VIRMA: variants seen among roughly 807,000 people sequenced by gnomAD.
The protein encoded by VIRMA is protein virilizer homolog.
VIRMA carries 65 observed loss-of-function variants against 182.4 expected under a neutral mutation model. That is an observed-to-expected ratio of 0.36 (90% CI 0.29 to 0.44). The LOEUF (loss-of-function observed/expected upper bound fraction) is 0.44, where lower values mean the gene tolerates loss of function less well. Ranked by LOEUF, VIRMA falls within the 20% of genes least tolerant of loss-of-function variation. VIRMA has a pLI of 1.00. For synonymous variants in VIRMA, 709 were observed against 743.1 expected (o/e 0.95, Z 0.75); for missense variants, 1,752 against 2,158.1 (o/e 0.81, Z 3.73).
At chr8:94,553,056 C>T (rs555890190) in intron 1 of VIRMA, among the ~76,000 whole-genome samples, 9 of 152,216 alleles carry the variant, frequency 5.9e-5, no homozygotes, top group African/African-American at 2.2e-4. Context: ...CAAACCAAGA[C>T]CCCTCCCAAA....
chr8:94,497,288 T>C (rs775054363), intron 17 of VIRMA: 3 of 151,902 alleles, frequency 2.0e-5, no homozygotes, highest in Non-Finnish European at 4.4e-5. Context: ...ATTTTTCATA[T>C]AGATGGGGTC....
intron 7 of VIRMA, among the ~76,000 whole-genome samples, chr8:94,528,575 T>C (rs573018643): frequency 1.3e-5 from 2 of 152,242 alleles, no homozygotes; most frequent in African/African-American, 4.8e-5. Context: ...AAAGCCTAAT[T>C]AAAGGACTGT....
chr8:94,536,955 G>C (rs916609513), intron 4 of VIRMA, 148 bp downstream of exon 4: 2 of 635,400 alleles, frequency 3.1e-6, no homozygotes, highest in African/African-American at 3.7e-5. Context: ...CTCCAGCCTG[G>C]GTGACAGAGC....
intron 8 of VIRMA, among the ~76,000 whole-genome samples, chr8:94,525,784 T>TA (rs1218494071): frequency 3.3e-5 from 5 of 152,204 alleles, no homozygotes. Flanking sequence ...AATGGAAACT[T>TA]AAAGACATCT....
rs1280779721 is a variant in VIRMA, at chr8:94,552,907, A to G, written c.63+478T>C. Among the ~76,000 whole-genome samples, 8 of 152,126 alleles carry G rather than the reference A, an allele frequency of 5.3e-5. No homozygotes were observed. In the South Asian group the frequency reaches 1.0e-3, roughly 20 times the overall value. ...TCGGAGAGCACCGTAATCCTAAACC[A>G]AGTAAGTGTCACAACTGGGGAACAT... On this transcript the variant is annotated intron_variant, in intron 1 of 23. Coordinates refer to ENST00000297591, the MANE Select transcript of VIRMA (RefSeq NM_015496.5).
At chr8:94,497,457 C>T (rs1813818917) in intron 17 of VIRMA, 1 of 150,138 alleles carries the variant, frequency 6.7e-6, no homozygotes, top group South Asian at 2.1e-4. Flanking sequence ...GAGATGGAGT[C>T]GCACTTTGTT....
intron 2 of VIRMA, among the ~76,000 whole-genome samples, chr8:94,540,039 G>C (rs1287585172): frequency 6.6e-6 from 1 of 152,026 alleles, no homozygotes; most frequent in Non-Finnish European, 1.5e-5. Context: ...TCCAGTATGT[G>C]GTATTCTGTT....
intron 6 of VIRMA, among the ~76,000 whole-genome samples, chr8:94,530,731 G>T (rs1340565836): frequency 6.6e-6 from 1 of 152,084 alleles, no homozygotes; most frequent in Non-Finnish European, 1.5e-5. Flanking sequence ...GGGCAAAATA[G>T]TGAGACCCCA....
intron 3 of VIRMA, 104 bp from the exon 4 acceptor site, chr8:94,537,255 A>G (rs1373660445): frequency 6.2e-6 from 5 of 804,392 alleles, no homozygotes; most frequent in Non-Finnish European, 8.2e-6. Flanking sequence ...CAAATGCTAG[A>G]TTTTTGTTTT....
chr8:94,500,052 CAAA>C (rs6150715), intron 16 of VIRMA, among the ~76,000 whole-genome samples: 4 of 82,520 alleles, frequency 4.8e-5, no homozygotes, highest in Admixed American at 1.6e-4. Flanking sequence ...GGCTTCATCT[CAAA>C]AAAAAAAAAA....
Position 94,488,855 on chromosome 8 carries a change from G to A in VIRMA, c.5290C>T (p.Arg1764Cys), listed in dbSNP as rs768035032. The A allele has an allele frequency of 8.1e-6, 13 of 1,611,988 alleles. No individual in the cohort carries two copies. Among genetic ancestry groups the A allele is most frequent in the African/African-American group, 2.7e-5 (2 of 74,802 alleles). The change falls in exon 24 of 24, where the codon CGC (arginine) becomes TGC (cysteine). Residue 1764 changes from arginine to cysteine, a missense_variant. Physicochemically the swap from Arg to Cys is radical, Grantham distance 180. Around this residue, in one of 11 missense-constraint regions of VIRMA, gnomAD observed 132 missense variants for 173.8 expected, o/e 0.76. Transcript: ENST00000297591. ...PLRPLSSTGY[R>C]PSPRDRASRG... ...GAAGCACGGTCCCGAGGACTTGGGC[G>A]GTAACCTGTAAAAGAAAGAATACAG... is the stretch of plus-strand genomic sequence containing the variant.
intron 4 of VIRMA, among the ~76,000 whole-genome samples, chr8:94,536,127 G>A (rs1185748059): frequency 6.6e-6 from 1 of 152,182 alleles, no homozygotes; most frequent in Non-Finnish European, 1.5e-5. Context: ...CCTTCTGGAG[G>A]CACGATAAGG....
At chr8:94,548,356 G>A (rs999706565) in intron 1 of VIRMA, among the ~76,000 whole-genome samples, 3 of 151,042 alleles carry the variant, frequency 2.0e-5, no homozygotes, top group African/African-American at 2.5e-5. Context: ...TAATATTAAC[G>A]TGGGCAACGG....
intron 2 of VIRMA, among the ~76,000 whole-genome samples, chr8:94,543,397 A>G: frequency 8.3e-6 from 1 of 119,990 alleles, no homozygotes; most frequent in Non-Finnish European, 1.7e-5. Context: ...GCAAAACTCC[A>G]TCTCAAAAAA....
At chr8:94,542,891 C>A (rs771523148) in intron 2 of VIRMA, among the ~76,000 whole-genome samples, 7 of 152,110 alleles carry the variant, frequency 4.6e-5, no homozygotes, top group Non-Finnish European at 8.8e-5. Context: ...ATAACACCCA[C>A]CACAAAGTAG....
At chr8:94,512,200 C>T (rs919881378) in intron 11 of VIRMA, 111 bp from the exon 12 acceptor site, 1 of 382,154 alleles carries the variant, frequency 2.6e-6, no homozygotes, top group Non-Finnish European at 4.7e-6. Context: ...TAAGAACATA[C>T]AATATTTTAT....
At chr8:94,494,829 G>T in intron 20 of VIRMA, 31 bp downstream of exon 20, 1 of 1,226,614 alleles carries the variant, frequency 8.2e-7, no homozygotes, top group South Asian at 1.3e-5. Context: ...AAACAATAAC[G>T]TTTTTCTAAA....
chr8:94,538,541 C>A (rs1815421205), intron 2 of VIRMA, among the ~76,000 whole-genome samples, 195 bp from the exon 3 acceptor site: 1 of 152,162 alleles, frequency 6.6e-6, no homozygotes, highest in African/African-American at 2.4e-5. Flanking sequence ...AAGTAGCCAA[C>A]AGCTGATTTT....
chr8:94,544,653 ACT>A (rs1476387609), intron 1 of VIRMA, among the ~76,000 whole-genome samples: 2 of 108,788 alleles, frequency 1.8e-5, no homozygotes, highest in Non-Finnish European at 3.6e-5. Flanking sequence ...AGAGCGAGCG[ACT>A]CTGTCTCAAA....
Sources: allele counts gnomAD v4.1 joint callset (sites outside exome capture counted in the v4.1 genomes callset), GRCh38; gene constraint gnomAD v4.1.1; regional missense constraint gnomAD v4.1.1; transcripts MANE v1.5; gene names NCBI Gene and HGNC (gene_info 2026-07-23, HGNC 2026-07-21).